The following SLC4A8 variants were observed in gnomAD, a reference collection of about 807,000 sequenced individuals.
SLC4A8 encodes electroneutral sodium bicarbonate exchanger 1.
SLC4A8 carries 40 observed loss-of-function variants against 125.0 expected under a neutral mutation model. The observed-to-expected ratio is 0.32, with a 90% confidence interval of 0.25 to 0.42. The LOEUF is 0.42. Ranked by LOEUF, SLC4A8 falls within the 10% of genes least tolerant of loss-of-function variation. SLC4A8 has a pLI of 1.00. For synonymous variants in SLC4A8, 456 were observed against 476.0 expected (o/e 0.96, Z 0.55); for missense variants, 863 against 1,355.1 (o/e 0.64, Z 5.70).
Position 51,453,587 on chromosome 12 carries a change from C to T in SLC4A8, c.462C>T (p.Ser154=), listed in dbSNP as rs1950034556. The change falls in exon 5 of 25, where the codon AGC becomes AGT. Residue 154 remains serine, a synonymous_variant. Coordinates refer to ENST00000453097, the MANE Select transcript of SLC4A8 (RefSeq NM_001039960.3). The part of the protein sequence containing the change: ...EDVEDGGERW[S]KPYVATLSLH... ...TTGAAGATGGGGGAGAACGCTGGAGCAAGCCTTATGTGGCAACCCTTTCAT... is the reference window on the plus strand; with the variant it reads ...TTGAAGATGGGGGAGAACGCTGGAGTAAGCCTTATGTGGCAACCCTTTCAT... 6.2e-7 allele frequency: 1 copy of T among 1,614,086 alleles called. No individual in the cohort carries two copies. Among genetic ancestry groups the T allele is most frequent in the Non-Finnish European group, 8.5e-7 (1 of 1,180,030 alleles).
At chr12:51,448,304 G>C (rs1351799545) in intron 2 of SLC4A8, among the ~76,000 whole-genome samples, 2 of 152,126 alleles carry the variant, frequency 1.3e-5, no homozygotes, top group African/African-American at 4.8e-5. Context: ...TACGGTGAGG[G>C]AGAAAGGGAA....
intron 16 of SLC4A8, chr12:51,480,065 C>T (rs758197179): frequency 1.9e-5 from 7 of 362,598 alleles, no homozygotes; most frequent in Middle Eastern, 9.1e-4. Flanking sequence ...CGCCTCCTCC[C>T]GAGTAGCTGG....
chr12:51,499,160 G>A (rs1285555620), intron 22 of SLC4A8, among the ~76,000 whole-genome samples: 4 of 152,080 alleles, frequency 2.6e-5, no homozygotes, highest in Non-Finnish European at 5.9e-5. Context: ...CAGCCTGGGC[G>A]AAAGAACAAG....
intron 19 of SLC4A8, among the ~76,000 whole-genome samples, chr12:51,493,363 T>G (rs770936311): frequency 2.0e-5 from 3 of 152,068 alleles, no homozygotes; most frequent in Non-Finnish European, 4.4e-5. Context: ...AAGGCATTAT[T>G]TCTATAAGAG....
chr12:51,482,448 G>A (rs1219511991), intron 16 of SLC4A8, among the ~76,000 whole-genome samples: 2 of 151,886 alleles, frequency 1.3e-5, no homozygotes, highest in African/African-American at 2.4e-5. Context: ...GCACAATCTC[G>A]GCTCACTCCA....
At chr12:51,407,442 T>C (rs1042784431) in intron 1 of SLC4A8, among the ~76,000 whole-genome samples, 2 of 151,946 alleles carry the variant, frequency 1.3e-5, no homozygotes, top group African/African-American at 4.8e-5. Context: ...AAATTTTTTT[T>C]TTTTTTGGTA....
chr12:51,419,317 C>T (rs999517642), intron 1 of SLC4A8, among the ~76,000 whole-genome samples: 1 of 152,218 alleles, frequency 6.6e-6, no homozygotes, highest in African/African-American at 2.4e-5. Flanking sequence ...AAAGCTGTCC[C>T]AGGCCTATGG....
intron 1 of SLC4A8, among the ~76,000 whole-genome samples, chr12:51,439,627 G>T (rs1949531819): frequency 6.6e-6 from 1 of 151,850 alleles, no homozygotes; most frequent in Non-Finnish European, 1.5e-5. Context: ...AAAAAAGAAA[G>T]AAATGCCTAA....
chr12:51,427,627 ACTGAC>A (rs1246223248), intron 1 of SLC4A8, among the ~76,000 whole-genome samples: 2 of 152,190 alleles, frequency 1.3e-5, no homozygotes, highest in African/African-American at 4.8e-5. Context: ...GAGACAGTCA[ACTGAC>A]TGGCAATGAC....
intron 1 of SLC4A8, among the ~76,000 whole-genome samples, chr12:51,412,679 T>C (rs1022646931): frequency 6.6e-6 from 1 of 152,234 alleles, no homozygotes; most frequent in Admixed American, 6.5e-5. Flanking sequence ...GAACATGTGA[T>C]GTTTGTCTTT....
At chr12:51,440,600 C>T (rs764396328) in intron 1 of SLC4A8, 108 bp from the exon 2 acceptor site, 22 of 755,196 alleles carry the variant, frequency 2.9e-5, no homozygotes, top group Middle Eastern at 4.5e-4. Flanking sequence ...TACAGGTAAA[C>T]AATTGTGTTT....
intron 1 of SLC4A8, among the ~76,000 whole-genome samples, chr12:51,429,113 T>C (rs932805308): frequency 2.0e-5 from 3 of 152,066 alleles, no homozygotes; most frequent in African/African-American, 7.2e-5. Context: ...GGTTTCACCA[T>C]GTTGGCCAGG....
intron 24 of SLC4A8, 21 bp from the exon 25 acceptor site, chr12:51,507,405 A>G: frequency 7.3e-7 from 1 of 1,370,788 alleles, no homozygotes; most frequent in Non-Finnish European, 9.5e-7. Context: ...CTTTTTGTCT[A>G]ATTGTAACAC....
chr12:51,445,157 T>C (rs1261633457), intron 2 of SLC4A8, among the ~76,000 whole-genome samples: 1 of 152,102 alleles, frequency 6.6e-6, no homozygotes, highest in African/African-American at 2.4e-5. Context: ...CCAAAGTGGT[T>C]GTTTAGTTTT....
Position 51,511,052 on chromosome 12 carries a change from C to CA in SLC4A8, c.*3615dup, listed in dbSNP as rs1938350128. 6.6e-6 allele frequency: 1 copy of CA among 152,294 alleles called. No homozygotes were observed. Among genetic ancestry groups the CA allele is most frequent in the Non-Finnish European group, 1.5e-5 (1 of 68,042 alleles). 9.4% of individuals were successfully genotyped at this position (152,294 alleles called of 1,614,324 possible). A position where few individuals can be genotyped will look rare whatever the true frequency, so the allele number is the denominator to read the frequency against. ...CTGGACGACTTCATGGGTCAGTCCA[C>CA]ATGATTGCAGGATTTCCCATTGTTC... On this transcript the variant is annotated 3_prime_UTR_variant, in exon 25 of 25. Transcript: ENST00000453097.
At chr12:51,463,748 TA>T (rs1445900171) in intron 11 of SLC4A8, 34 bp downstream of exon 11, 1 of 1,426,986 alleles carries the variant, frequency 7.0e-7, no homozygotes, top group South Asian at 1.2e-5. Context: ...CGATGCTGCT[TA>T]TTGGGTAGAA....
chr12:51,483,715 T>C (rs1951090003), intron 16 of SLC4A8, among the ~76,000 whole-genome samples: 1 of 152,204 alleles, frequency 6.6e-6, no homozygotes, highest in South Asian at 2.1e-4. Context: ...TTTGGAAGTA[T>C]AATGCGAAAA....
chr12:51,483,354 CA>C (rs370326518), intron 16 of SLC4A8, among the ~76,000 whole-genome samples: 4,682 of 138,150 alleles, frequency 0.034, 235 homozygotes, highest in African/African-American at 0.11. Context: ...TTCTCACACA[CA>C]AAAAAAAAAA....
intron 1 of SLC4A8, among the ~76,000 whole-genome samples, chr12:51,435,326 T>C (rs113192267): frequency 0.012 from 1,786 of 152,306 alleles, 34 homozygotes; most frequent in African/African-American, 0.04. Context: ...TGAGAAGCTT[T>C]TCTCATCTAC....
Sources: allele counts gnomAD v4.1 joint callset (sites outside exome capture counted in the v4.1 genomes callset), GRCh38; gene constraint gnomAD v4.1.1; transcripts MANE v1.5; gene names NCBI Gene and HGNC (gene_info 2026-07-23, HGNC 2026-07-21).